Variants in CUL3 observed in about 807,000 individuals in gnomAD.
CUL3 encodes the protein cullin-3.
CUL3 carries 19 observed loss-of-function variants against 89.1 expected under a neutral mutation model. The observed-to-expected ratio is 0.21, with a 90% confidence interval of 0.15 to 0.31. The LOEUF is 0.31. Ranked by LOEUF, CUL3 falls within the 10% of genes least tolerant of loss-of-function variation. The probability of loss-of-function intolerance (pLI) is 1.00; values close to 1 mark genes in which losing one functional copy is unlikely to be tolerated. For missense variants in CUL3, 469 were observed against 942.3 expected (o/e 0.50, Z 6.58); for synonymous variants, 351 against 308.4 (o/e 1.14, Z -1.45).
chr2:224,517,110 T>C (rs1208927417), intron 3 of CUL3, among the ~76,000 whole-genome samples: 1 of 152,220 alleles, frequency 6.6e-6, no homozygotes, highest in Non-Finnish European at 1.5e-5. Flanking sequence ...ATAATCACTA[T>C]TATTGCTTAA....
chr2:224,474,254 A>G lies in CUL3; in HGVS notation c.2298T>C (p.Tyr766=), dbSNP rs762710485. Residue 766 remains tyrosine, a synonymous_variant, in exon 16 of 16, where the codon TAT becomes TAC. Coordinates refer to ENST00000264414, the MANE Select transcript of CUL3 (RefSeq NM_003590.5). ...RTPEDRKVYT[Y]VA ...AATTTCTGAACGCATTTTATGCTAC[A>G]TATGTGTATACTTTGCGATCCTCAG... 8.7e-6 allele frequency: 14 copies of G among 1,613,662 alleles called. No homozygotes were observed. Among genetic ancestry groups the G allele is most frequent in the East Asian group, 4.5e-5 (2 of 44,854 alleles).
At position 224,511,496 on chromosome 2, in the gene CUL3, T is replaced by C; in HGVS notation, c.741A>G (p.Arg247=). Residue 247 remains arginine (R), a synonymous_variant, in exon 6 of 16, where the codon CGA becomes CGG. Transcript: ENST00000264414. ...VEARINEEIE[R]VMHCLDKSTE... ...TTGATTTGTCAAGGCAGTGCATCAC[T>C]CGTTCTATTTCTTCATTAATTCTAG... is the stretch of plus-strand genomic sequence containing the variant. 2 of 1,613,672 alleles carry C rather than the reference T, an allele frequency of 1.2e-6. No individual in the cohort carries two copies. Among genetic ancestry groups the C allele is most frequent in the Non-Finnish European group, 1.7e-6 (2 of 1,179,662 alleles).
chr2:224,569,914 A>G, intron 1 of CUL3: 1 of 423,482 alleles, frequency 2.4e-6, no homozygotes, highest in Non-Finnish European at 3.2e-6. Flanking sequence ...GAAAAAAAAT[A>G]AACAAGGGAA....
intron 2 of CUL3, among the ~76,000 whole-genome samples, chr2:224,548,530 T>G (rs1694389498): frequency 6.6e-6 from 1 of 152,218 alleles, no homozygotes; most frequent in African/African-American, 2.4e-5. Context: ...CTTTCAAAGT[T>G]CAATAATTTT....
intron 11 of CUL3, among the ~76,000 whole-genome samples, chr2:224,498,637 G>C (rs1267713211): frequency 1.3e-5 from 2 of 152,162 alleles, no homozygotes; most frequent in East Asian, 1.9e-4. Context: ...ATGAACTCTT[G>C]CAACAGCGTG....
chr2:224,505,721 C>T, intron 8 of CUL3: 1 of 238,692 alleles, frequency 4.2e-6, no homozygotes, highest in Non-Finnish European at 8.0e-6. Context: ...TAGGCATGAG[C>T]CACCAAGCCC....
Position 224,540,983 on chromosome 2 carries a change from T to C in CUL3, c.265-5342A>G, listed in dbSNP as rs189303049. Among the ~76,000 whole-genome samples, 277 of 152,316 alleles carry C rather than the reference T, an allele frequency of 1.8e-3. 3 individuals carry two copies. The highest frequency in any genetic ancestry group is 6.4e-3 in the African/African-American group (266 of 41,562). ...AAAAATACCTAGCTGTATCATATCA[T>C]GTCCAATGCACCATAGTAATCCAAA... On this transcript the variant is annotated intron_variant, in intron 2 of 15. Transcript: ENST00000264414.
Position 224,535,508 on chromosome 2 carries a change from A to G in CUL3, c.378+20T>C, listed in dbSNP as rs1156268614. On this transcript the variant is annotated intron_variant, in intron 3 of 15. Coordinates refer to ENST00000264414, the MANE Select transcript of CUL3 (RefSeq NM_003590.5). The stretch of plus-strand genomic sequence containing the variant: ...GCTTAACTGCTTAAAGGAAGAAAAC[A>G]TTTAAAAAGCTCTACTTACCATGTA... The G allele has an allele frequency of 6.7e-7, 1 of 1,489,590 alleles. No homozygotes were observed. The highest frequency in any genetic ancestry group is 1.4e-5 in the African/African-American group (1 of 71,102). The allele number at this position is 1,489,590 out of a possible 1,614,324, so 92.3% of individuals were successfully genotyped here.
At chr2:224,560,355 G>GC (rs1353375498) in intron 1 of CUL3, 1 of 151,246 alleles carries the variant, frequency 6.6e-6, no homozygotes, top group Non-Finnish European at 1.5e-5. Context: ...ACATTCTCTG[G>GC]CCCCCTCTGT....
chr2:224,557,117 T>TA (rs917014711), intron 2 of CUL3, among the ~76,000 whole-genome samples: 8 of 152,124 alleles, frequency 5.3e-5, no homozygotes, highest in African/African-American at 1.9e-4. Context: ...GAGTTCACTC[T>TA]ATAAAAACAT....
At chr2:224,572,437 T>C (rs1255810918) in intron 1 of CUL3, among the ~76,000 whole-genome samples, 1 of 149,992 alleles carries the variant, frequency 6.7e-6, no homozygotes, top group Non-Finnish European at 1.5e-5. Context: ...TTCAGCCCAG[T>C]AGTTTGAGAC....
At chr2:224,475,057 G>T (rs1195527792) in intron 15 of CUL3, among the ~76,000 whole-genome samples, 2 of 151,888 alleles carry the variant, frequency 1.3e-5, no homozygotes, top group Admixed American at 1.3e-4. Context: ...TTGCTCTGTT[G>T]CCCAGGCTGG....
In CUL3 at chr2:224,525,522, T is replaced by C. The variant is rs16866029; in HGVS notation, c.378+10006A>G. 8.3e-3 allele frequency among the ~76,000 whole-genome samples: 1,259 copies of C among 152,340 alleles called. 10 individuals carry two copies. The highest frequency in any genetic ancestry group is 0.029 in the African/African-American group (1,201 of 41,580). Reference sequence around the variant, plus strand: ...ATAAATGATATCTGTTGTTATGTATTTGGAAAAACATTTACCTTCAAAGAA... The same window carrying C: ...ATAAATGATATCTGTTGTTATGTATCTGGAAAAACATTTACCTTCAAAGAA... On this transcript the variant is annotated intron_variant, in intron 3 of 15. Transcript: ENST00000264414.
intron 13 of CUL3, among the ~76,000 whole-genome samples, chr2:224,486,844 A>G (rs1264410602): frequency 6.6e-6 from 1 of 152,208 alleles, no homozygotes; most frequent in Non-Finnish European, 1.5e-5. Flanking sequence ...AAATGAAGGA[A>G]AAAATGTTAA....
intron 1 of CUL3, chr2:224,563,307 TG>T (rs778415200): frequency 2.1e-6 from 1 of 470,846 alleles, no homozygotes; most frequent in East Asian, 6.9e-5. Context: ...CCTTGGCTCT[TG>T]TCACTCTCTA....
chr2:224,527,474 G>C (rs946160727), intron 3 of CUL3, among the ~76,000 whole-genome samples: 2 of 152,092 alleles, frequency 1.3e-5, no homozygotes, highest in Non-Finnish European at 2.9e-5. Flanking sequence ...TCTAAACTCT[G>C]CTCCTTGCCA....
At position 224,563,150 on chromosome 2, in the gene CUL3, G is replaced by A. The variant is rs563542941; in HGVS notation, c.67-5294C>T. 2.3e-5 allele frequency: 10 copies of A among 439,344 alleles called. No homozygotes were observed. In the East Asian group the frequency reaches 6.4e-4, roughly 28 times the overall value. 27.2% of individuals were successfully genotyped at this position (439,344 alleles called of 1,614,324 possible). ...AAGCTTAGCAAATATACAGATATGA[G>A]CTAAAACAAAGGCACCTTAAGAATA... On this transcript the variant is annotated intron_variant, in intron 1 of 15. Transcript: ENST00000264414.
At chr2:224,489,764 G>A (rs1022498787) in intron 13 of CUL3, among the ~76,000 whole-genome samples, 6 of 151,940 alleles carry the variant, frequency 3.9e-5, no homozygotes, top group South Asian at 2.1e-4. Context: ...AGAAGAAAAC[G>A]TAGGCAATAC....
intron 1 of CUL3, among the ~76,000 whole-genome samples, chr2:224,583,794 CA>C (rs1362563028): frequency 1.9e-4 from 29 of 152,314 alleles, no homozygotes; most frequent in African/African-American, 7.0e-4. Context: ...GCAATCACAT[CA>C]AGGTAAGTCT....
Sources: gnomAD v4.1 joint callset for allele counts (sites outside exome capture counted in the v4.1 genomes callset) on GRCh38, gnomAD v4.1.1 for gene constraint, MANE v1.5 for transcripts, NCBI Gene and HGNC (gene_info 2026-07-23, HGNC 2026-07-21) for gene names.